Variants in RBFOX1 observed in about 807,000 individuals in gnomAD.
RBFOX1 encodes the protein RNA binding fox-1 homolog 1.
Under a neutral mutation model 57.7 loss-of-function variants are expected in RBFOX1, and 8 were observed. The observed-to-expected ratio is 0.14, with a 90% CI of 0.08 to 0.25. The LOEUF is 0.25. RBFOX1 is among the 10% of genes least tolerant of loss of function. RBFOX1 has a pLI of 1.00. For missense variants in RBFOX1, 611 were observed against 548.5 expected (o/e 1.11, Z -1.14); for synonymous variants, 326 against 222.4 (o/e 1.47, Z -4.15).
At chr16:5,533,500 G>C (rs1411562100) in intron 2 of RBFOX1, among the ~76,000 whole-genome samples, 1 of 152,188 alleles carries the variant, frequency 6.6e-6, no homozygotes. Context: ...ATGAGTGCTT[G>C]TGTGTATTAC....
chr16:6,977,134 TA>T (rs1488215648), intron 3 of RBFOX1, among the ~76,000 whole-genome samples: 2 of 136,322 alleles, frequency 1.5e-5, no homozygotes, highest in Non-Finnish European at 3.1e-5. Context: ...ATATATATGA[TA>T]TATATTATAT....
chr16:6,838,624 G>C (rs1229647459), intron 3 of RBFOX1, among the ~76,000 whole-genome samples: 4 of 152,164 alleles, frequency 2.6e-5, no homozygotes, highest in Admixed American at 2.0e-4. Context: ...TTAAGTAAAA[G>C]TTGCTGTCTA....
intron 2 of RBFOX1, among the ~76,000 whole-genome samples, chr16:6,354,128 G>T (rs2086873355): frequency 6.6e-6 from 1 of 152,094 alleles, no homozygotes; most frequent in African/African-American, 2.4e-5. Flanking sequence ...GCTGAGGTGG[G>T]AGGATCGCTT....
At chr16:5,483,398 C>G (rs1185105378) in intron 2 of RBFOX1, among the ~76,000 whole-genome samples, 2 of 152,228 alleles carry the variant, frequency 1.3e-5, no homozygotes, top group African/African-American at 2.4e-5. Flanking sequence ...GGAAGTACTG[C>G]TTGACTAATC....
chr16:7,379,809 C>A (rs1288243448), intron 4 of RBFOX1, among the ~76,000 whole-genome samples: 1 of 151,558 alleles, frequency 6.6e-6, no homozygotes, highest in Non-Finnish European at 1.5e-5. Context: ...TGCCTGCCTG[C>A]CTCCCTCCCT....
At chr16:5,563,284 C>A (rs183854060) in intron 2 of RBFOX1, among the ~76,000 whole-genome samples, 59 of 152,310 alleles carry the variant, frequency 3.9e-4, no homozygotes, top group African/African-American at 1.4e-3. Flanking sequence ...TCTCCTGACC[C>A]ATGTTCATTT....
chr16:5,853,558 A>G (rs185234822), intron 3 of RBFOX1, among the ~76,000 whole-genome samples: 3 of 152,264 alleles, frequency 2.0e-5, no homozygotes, highest in Admixed American at 6.5e-5. Flanking sequence ...TGACGGTTAC[A>G]TGCCTTTCTT....
intron 2 of RBFOX1, among the ~76,000 whole-genome samples, chr16:6,653,759 T>A (rs1023904403): frequency 6.6e-6 from 1 of 150,902 alleles, no homozygotes; most frequent in Non-Finnish European, 1.5e-5. Context: ...GGTGGGTAGA[T>A]GAATGGGTGG....
chr16:5,547,045 A>G (rs748316228), intron 2 of RBFOX1, among the ~76,000 whole-genome samples: 2 of 152,204 alleles, frequency 1.3e-5, no homozygotes, highest in Admixed American at 6.5e-5. Context: ...TAAGACCACA[A>G]TGAGATACCA....
chr16:5,677,928 G>A (rs2050215425), intron 3 of RBFOX1, among the ~76,000 whole-genome samples: 1 of 152,190 alleles, frequency 6.6e-6, no homozygotes. Flanking sequence ...AAAGAGCTTT[G>A]CTTTTATTCC....
chr16:7,291,341 G>C (rs972763677), intron 4 of RBFOX1, among the ~76,000 whole-genome samples: 3 of 152,158 alleles, frequency 2.0e-5, no homozygotes, highest in Non-Finnish European at 4.4e-5. Context: ...GAAGAGCTGA[G>C]ACTGAGAGCA....
chr16:7,639,442 G>A (rs938529394), intron 11 of RBFOX1, among the ~76,000 whole-genome samples: 4 of 152,076 alleles, frequency 2.6e-5, no homozygotes, highest in East Asian at 1.9e-4. Flanking sequence ...TCCTTTGATC[G>A]GAGAGGGGGT....
At chr16:6,884,140 G>T (rs957797419) in intron 3 of RBFOX1, among the ~76,000 whole-genome samples, 2 of 152,338 alleles carry the variant, frequency 1.3e-5, no homozygotes, top group Non-Finnish European at 2.9e-5. Context: ...CGACCGAGCA[G>T]AGCTACTGCA....
At chr16:6,459,314 C>G (rs535090029) in intron 2 of RBFOX1, among the ~76,000 whole-genome samples, 123 of 152,220 alleles carry the variant, frequency 8.1e-4, no homozygotes, top group African/African-American at 2.7e-3. Context: ...CCAGCCTGGG[C>G]GACAGAGGGC....
In RBFOX1 at chr16:6,392,457, A is replaced by G. The variant is rs541141649; in HGVS notation, c.-64+75400A>G. ...AACAAATTCAAGATTATGTATTTCT[A>G]TCTCTGGAATAATAATTACTGTTTT... On this transcript the variant is annotated intron_variant, in intron 2 of 15. Transcript: ENST00000550418. Among the ~76,000 whole-genome samples the G allele has an allele frequency of 3.2e-4, 48 of 152,336 alleles. 1 individual carries two copies. Among genetic ancestry groups the G allele is most frequent in the South Asian group, 2.1e-3 (10 of 4,830 alleles).
chr16:7,443,040 G>A (rs1598516922), intron 4 of RBFOX1, among the ~76,000 whole-genome samples: 1 of 152,096 alleles, frequency 6.6e-6, no homozygotes, highest in African/African-American at 2.4e-5. Flanking sequence ...TTTACTTTGG[G>A]CAGCCCCATT....
At chr16:7,480,471 T>C (rs527960331) in intron 4 of RBFOX1, among the ~76,000 whole-genome samples, 10 of 152,336 alleles carry the variant, frequency 6.6e-5, no homozygotes, top group Admixed American at 2.0e-4. Context: ...ACAGTAAATG[T>C]GTAATAGAAT....
intron 4 of RBFOX1, among the ~76,000 whole-genome samples, chr16:5,943,472 C>G (rs991907710): frequency 6.6e-6 from 1 of 152,172 alleles, no homozygotes; most frequent in Non-Finnish European, 1.5e-5. Context: ...ATGAGGAATT[C>G]TCATTTAGAC....
chr16:7,170,528 T>C (rs2080476738), intron 4 of RBFOX1, among the ~76,000 whole-genome samples: 1 of 152,166 alleles, frequency 6.6e-6, no homozygotes, highest in Non-Finnish European at 1.5e-5. Context: ...GTAGATGGGA[T>C]TGCAAGTGCG....
Sources: gnomAD v4.1 joint callset for allele counts (sites outside exome capture counted in the v4.1 genomes callset) on GRCh38, gnomAD v4.1.1 for gene constraint, MANE v1.5 for transcripts, NCBI Gene and HGNC (gene_info 2026-07-23, HGNC 2026-07-21) for gene names.